GPHN: variants seen among roughly 807,000 people sequenced by gnomAD.
GPHN encodes the protein gephyrin.
A neutral mutation model predicts 95.5 loss-of-function variants in GPHN; 17 were observed. That is an observed-to-expected ratio of 0.18 (90% CI 0.12 to 0.27). The LOEUF (loss-of-function observed/expected upper bound fraction) is 0.27. Among genes scored for constraint, GPHN ranks in the 10% least tolerant of loss-of-function variants. The pLI is 1.00. For missense variants in GPHN, 660 were observed against 978.1 expected, an observed-to-expected ratio of 0.67 and a Z score of 4.34; for synonymous variants, 320 against 322.5, an observed-to-expected ratio of 0.99 and a Z score of 0.08.
At chr14:67,197,749 T>C in the GPHN span, among the ~76,000 whole-genome samples, 1 of 152,176 alleles carries the variant, frequency 6.6e-6, no homozygotes, top group Non-Finnish European at 1.5e-5. Flanking sequence ...ATTTGGAAGA[T>C]AGAAAATAAT....
At chr14:67,363,974 G>A in the GPHN span, 2 of 152,178 alleles carry the variant, frequency 1.3e-5, no homozygotes, top group South Asian at 4.1e-4. Context: ...AAAAGGAGTA[G>A]TGCTGAAAGT....
At chr14:67,629,072 G>A in the GPHN span, among the ~76,000 whole-genome samples, 1 of 152,214 alleles carries the variant, frequency 6.6e-6, no homozygotes, top group East Asian at 1.9e-4. Context: ...GGTGGCTCAT[G>A]CCTGTAATCC....
At chr14:67,569,244 C>T in the GPHN span, 2 of 1,529,796 alleles carry the variant, frequency 1.3e-6, no homozygotes, top group South Asian at 2.2e-5. Context: ...CTTGGAGGCA[C>T]CAAACACCCA....
At chr14:67,172,728 G>T (rs2082670974) in intron 21 of GPHN, among the ~76,000 whole-genome samples, 1 of 152,142 alleles carries the variant, frequency 6.6e-6, no homozygotes, top group Admixed American at 6.5e-5. Flanking sequence ...TTCCTAGGAA[G>T]TGCAGTCATT....
At chr14:66,641,385 A>G (rs139402027) in intron 1 of GPHN, among the ~76,000 whole-genome samples, 2,035 of 152,276 alleles carry the variant, frequency 0.013, 24 homozygotes, top group Middle Eastern at 0.02. Flanking sequence ...ACTTAACAAT[A>G]TTTTTCACTT....
At chr14:66,695,937 G>T (rs1430310918) in intron 2 of GPHN, among the ~76,000 whole-genome samples, 1 of 152,142 alleles carries the variant, frequency 6.6e-6, no homozygotes, top group Non-Finnish European at 1.5e-5. Context: ...AAGGAAACAT[G>T]TTATGATGCA....
At chr14:66,701,427 CATA>C (rs2153415077) in intron 2 of GPHN, among the ~76,000 whole-genome samples, 1 of 152,244 alleles carries the variant, frequency 6.6e-6, no homozygotes, top group Non-Finnish European at 1.5e-5. Context: ...CAAAAAGAAC[CATA>C]ATAAGTGTGT....
the GPHN span, among the ~76,000 whole-genome samples, chr14:67,306,510 A>C: frequency 1.9e-4 from 27 of 139,114 alleles, no homozygotes; most frequent in African/African-American, 7.7e-4. Flanking sequence ...TGCCTGGCTG[A>C]ATTTGTGTGT....
At chr14:66,877,409 A>G (rs532092797) in intron 4 of GPHN, among the ~76,000 whole-genome samples, 2 of 152,326 alleles carry the variant, frequency 1.3e-5, no homozygotes, top group East Asian at 3.9e-4. Context: ...AGAGAAAGAA[A>G]TAAAGGGTAT....
rs566876468 is a variant in GPHN, at chr14:66,897,762, T to G, written c.389+17729T>G. On this transcript the variant is annotated intron_variant, in intron 5 of 22. Transcript: ENST00000478722. ...GAAGGACATCTGGGTTGTTTACAGT[T>G]TGTAATTATGATGAACATTACACCA... 2.0e-5 allele frequency among the ~76,000 whole-genome samples: 3 copies of G among 152,260 alleles called. No individual in the cohort carries two copies. The South Asian group carries it at 6.2e-4, about 31-fold the overall frequency.
At chr14:67,431,391 CAAAAAAAA>C in the GPHN span, among the ~76,000 whole-genome samples, 5 of 77,514 alleles carry the variant, frequency 6.5e-5, no homozygotes, top group Admixed American at 1.4e-4. Flanking sequence ...GACTCTGTCT[CAAAAAAAA>C]AAAAAAAAAA....
the GPHN span, among the ~76,000 whole-genome samples, chr14:67,210,428 A>G: frequency 3.5e-4 from 54 of 152,230 alleles, 1 homozygote; most frequent in East Asian, 0.01. Context: ...TCTATTTAAA[A>G]AAAAGAAGAA....
the GPHN span, among the ~76,000 whole-genome samples, chr14:67,403,381 G>C: frequency 6.6e-6 from 1 of 152,200 alleles, no homozygotes; most frequent in Non-Finnish European, 1.5e-5. Flanking sequence ...GTGGCAAACA[G>C]AGTCAGCAGT....
chr14:66,545,101 C>T (rs1351758471), intron 1 of GPHN, among the ~76,000 whole-genome samples: 1 of 152,244 alleles, frequency 6.6e-6, no homozygotes, highest in Non-Finnish European at 1.5e-5. Context: ...GGGCACACCT[C>T]CCAGACGGGG....
At chr14:66,822,172 G>T (rs555231894) in intron 3 of GPHN, among the ~76,000 whole-genome samples, 1 of 152,076 alleles carries the variant, frequency 6.6e-6, no homozygotes, top group Non-Finnish European at 1.5e-5. Context: ...GGGTGGCCTC[G>T]ATCTCCTGAC....
chr14:67,579,598 T>G, the GPHN span: 2 of 953,390 alleles, frequency 2.1e-6, no homozygotes, highest in Non-Finnish European at 3.1e-6. Context: ...AGAAACCAAC[T>G]TGCTTTGGCC....
chr14:67,674,519 C>G, the GPHN span: 1 of 1,565,642 alleles, frequency 6.4e-7, no homozygotes, highest in African/African-American at 1.4e-5. Flanking sequence ...CAGCGGCCAC[C>G]GAGATTCGGG....
At chr14:67,601,990 C>T in the GPHN span, among the ~76,000 whole-genome samples, 1 of 151,202 alleles carries the variant, frequency 6.6e-6, no homozygotes, top group Non-Finnish European at 1.5e-5. Context: ...TTCTTTTTTC[C>T]TAAAGGATTT....
chr14:66,966,236 A>T (rs570137385), intron 9 of GPHN, among the ~76,000 whole-genome samples: 11 of 152,196 alleles, frequency 7.2e-5, no homozygotes, highest in African/African-American at 2.6e-4. Flanking sequence ...CCTCAATTCC[A>T]TCTTTTCTAT....
Sources: allele counts gnomAD v4.1 joint callset (sites outside exome capture counted in the v4.1 genomes callset), GRCh38; gene constraint gnomAD v4.1.1; transcripts MANE v1.5; gene names NCBI Gene and HGNC (gene_info 2026-07-23, HGNC 2026-07-21).